Variants in MARCHF4 observed in about 807,000 individuals in gnomAD.
The protein encoded by MARCHF4 is E3 ubiquitin-protein ligase MARCHF4.
In MARCHF4, 14 loss-of-function variants were observed where a neutral mutation model predicts 43.9. The ratio of observed to expected loss-of-function variants is 0.32; its 90% CI spans 0.21 to 0.50. The LOEUF is 0.50. MARCHF4 is among the 20% of genes least tolerant of loss of function. The pLI is 0.98. For missense variants in MARCHF4, 468 were observed against 536.7 expected (o/e 0.87, Z 1.27); for synonymous variants, 226 against 213.3 (o/e 1.06, Z -0.52).
At chr2:216,267,919 T>A (rs1353025413) in intron 3 of MARCHF4, among the ~76,000 whole-genome samples, 1 of 152,268 alleles carries the variant, frequency 6.6e-6, no homozygotes, top group Non-Finnish European at 1.5e-5. Context: ...ATCAGTCATC[T>A]TCATCTCTAA....
intron 1 of MARCHF4, among the ~76,000 whole-genome samples, chr2:216,361,238 A>T (rs1035899316): frequency 6.6e-6 from 1 of 152,162 alleles, no homozygotes; most frequent in African/African-American, 2.4e-5. Context: ...AAGATATATT[A>T]TCACTATGGT....
chr2:216,339,313 C>T (rs891884728), intron 1 of MARCHF4, among the ~76,000 whole-genome samples: 1 of 152,188 alleles, frequency 6.6e-6, no homozygotes, highest in Non-Finnish European at 1.5e-5. Context: ...CCTCCCTCTG[C>T]TCCTCATCTC....
intron 3 of MARCHF4, among the ~76,000 whole-genome samples, chr2:216,263,493 A>AAGAGAGAG (rs150783185): frequency 1.7e-4 from 10 of 58,978 alleles, no homozygotes; most frequent in African/African-American, 3.9e-4. Flanking sequence ...AGGAGAGAGA[A>AAGAGAGAG]AGAGAGAGAG....
intron 1 of MARCHF4, among the ~76,000 whole-genome samples, chr2:216,356,467 A>G (rs946981985): frequency 5.3e-5 from 8 of 152,196 alleles, no homozygotes; most frequent in Non-Finnish European, 2.9e-5. Context: ...ACACAGTTCT[A>G]TGAGATATTT....
intron 1 of MARCHF4, among the ~76,000 whole-genome samples, chr2:216,327,010 C>T (rs1042938233): frequency 1.3e-5 from 2 of 151,876 alleles, no homozygotes; most frequent in Non-Finnish European, 2.9e-5. Flanking sequence ...TAGTATCTAC[C>T]GTATAAGTTA....
intron 1 of MARCHF4, among the ~76,000 whole-genome samples, chr2:216,368,158 G>T (rs1452796527): frequency 1.3e-5 from 2 of 152,194 alleles, no homozygotes; most frequent in Non-Finnish European, 2.9e-5. Flanking sequence ...GGAGAAAAAA[G>T]AAATGCCTTA....
At chr2:216,277,639 C>G (rs756053492) in intron 3 of MARCHF4, 33 bp downstream of exon 3, 2 of 1,560,752 alleles carry the variant, frequency 1.3e-6, no homozygotes, top group Admixed American at 3.5e-5. Flanking sequence ...ACATGGTTCC[C>G]CACTTCCCAT....
intron 1 of MARCHF4, among the ~76,000 whole-genome samples, chr2:216,335,839 A>C (rs1692148830): frequency 6.6e-6 from 1 of 152,104 alleles, no homozygotes; most frequent in Non-Finnish European, 1.5e-5. Context: ...AAGCCGAGGC[A>C]GGTGGATCAC....
At chr2:216,343,410 T>A (rs1207050598) in intron 1 of MARCHF4, among the ~76,000 whole-genome samples, 1 of 152,164 alleles carries the variant, frequency 6.6e-6, no homozygotes, top group Non-Finnish European at 1.5e-5. Context: ...ATAAGGACAC[T>A]AATCCCATCA....
chr2:216,264,503 C>T (rs1338404052), intron 3 of MARCHF4, among the ~76,000 whole-genome samples: 1 of 152,180 alleles, frequency 6.6e-6, no homozygotes, highest in Non-Finnish European at 1.5e-5. Context: ...CCATTTATCC[C>T]ACAAACCTTG....
At chr2:216,295,634 A>AC (rs1163759841) in intron 1 of MARCHF4, among the ~76,000 whole-genome samples, 2 of 152,206 alleles carry the variant, frequency 1.3e-5, no homozygotes, top group African/African-American at 4.8e-5. Flanking sequence ...GGGAGAGGAC[A>AC]CTGCTTTCTT....
intron 1 of MARCHF4, among the ~76,000 whole-genome samples, chr2:216,293,439 T>C (rs1691343665): frequency 6.6e-6 from 1 of 152,188 alleles, no homozygotes; most frequent in South Asian, 2.1e-4. Flanking sequence ...CTAAATCCAA[T>C]TAACCACATA....
chr2:216,270,881 T>G (rs1302888838), intron 3 of MARCHF4, among the ~76,000 whole-genome samples: 1 of 152,168 alleles, frequency 6.6e-6, no homozygotes, highest in Non-Finnish European at 1.5e-5. Flanking sequence ...TCTTCCCTAC[T>G]GCCACTGTGT....
intron 1 of MARCHF4, among the ~76,000 whole-genome samples, chr2:216,369,467 T>C (rs1467588833): frequency 1.3e-5 from 2 of 152,220 alleles, no homozygotes; most frequent in Non-Finnish European, 2.9e-5. Flanking sequence ...AGATCTTCTA[T>C]TCTGAGGATG....
intron 1 of MARCHF4, among the ~76,000 whole-genome samples, chr2:216,328,570 G>T (rs1207108855): frequency 1.3e-5 from 2 of 152,206 alleles, no homozygotes; most frequent in African/African-American, 4.8e-5. Flanking sequence ...TAGAGCCCTT[G>T]TTCACTTCTT....
chr2:216,315,388 CAT>C, intron 1 of MARCHF4, among the ~76,000 whole-genome samples: 1 of 152,284 alleles, frequency 6.6e-6, no homozygotes, highest in East Asian at 1.9e-4. Flanking sequence ...TAAAAATACA[CAT>C]ATTCTTCAAC....
intron 1 of MARCHF4, among the ~76,000 whole-genome samples, chr2:216,347,457 T>A (rs1692338924): frequency 6.6e-6 from 1 of 152,152 alleles, no homozygotes; most frequent in African/African-American, 2.4e-5. Context: ...TATAAACATC[T>A]CTTGAATCCA....
At chr2:216,288,705 G>T (rs1018059431) in intron 1 of MARCHF4, among the ~76,000 whole-genome samples, 5 of 152,122 alleles carry the variant, frequency 3.3e-5, no homozygotes, top group Non-Finnish European at 7.3e-5. Flanking sequence ...GAGGCAGGAG[G>T]TGACCCTTTT....
At chr2:216,307,182 CCTCT>C (rs1471832665) in intron 1 of MARCHF4, among the ~76,000 whole-genome samples, 5 of 152,138 alleles carry the variant, frequency 3.3e-5, no homozygotes, top group African/African-American at 1.2e-4. Context: ...CTCAGGTGTG[CCTCT>C]CTCTGAGTTC....
Sources: allele counts gnomAD v4.1 joint callset (sites outside exome capture counted in the v4.1 genomes callset), GRCh38; gene constraint gnomAD v4.1.1; transcripts MANE v1.5; gene names NCBI Gene and HGNC (gene_info 2026-07-23, HGNC 2026-07-21).